The following NPHP4 variants were observed in gnomAD, a reference collection of about 807,000 sequenced individuals.
The protein encoded by NPHP4 is nephrocystin-4.
A neutral mutation model predicts 155.8 loss-of-function variants in NPHP4; 151 were observed. The observed-to-expected ratio is 0.97, with a 90% CI of 0.85 to 1.11. The LOEUF is 1.11. Ranked by LOEUF, NPHP4 falls within the 50% of genes least tolerant of loss-of-function variation. The pLI, the probability that NPHP4 is intolerant of heterozygous loss-of-function variation, is 0.00. For missense variants in NPHP4, 1,956 were observed against 1,925.7 expected, an observed-to-expected ratio of 1.02 and a Z score of -0.29; for synonymous variants, 845 against 816.8, an observed-to-expected ratio of 1.03 and a Z score of -0.59.
intron 12 of NPHP4, 28 bp downstream of exon 12, chr1:5,909,124 A>C: frequency 6.4e-7 from 1 of 1,555,932 alleles, no homozygotes; most frequent in Non-Finnish European, 8.8e-7. Flanking sequence ...TGGAATTCTG[A>C]AGGAGGCCGT....
At chr1:5,883,398 G>C (rs1643485925) in intron 18 of NPHP4, among the ~76,000 whole-genome samples, 2 of 152,230 alleles carry the variant, frequency 1.3e-5, no homozygotes, top group African/African-American at 4.8e-5. Context: ...CCCTCCACAT[G>C]ATGGGGAGAA....
In NPHP4 at chr1:5,877,228, A is replaced by AGT; in HGVS notation, c.2681_2682insAC (p.His894GlnfsTer27). 1 of 1,608,886 alleles carries AGT rather than the reference A, an allele frequency of 6.2e-7. No individual in the cohort carries two copies. ...CCTGGGGCCCCTTGCCCTGCCGGGC[A>AGT]TGGGTCAGTAGCATGGCAGCCAGCT... On this transcript the variant is annotated frameshift_variant, in exon 20 of 30. Coordinates refer to ENST00000378156, the MANE Select transcript of NPHP4 (RefSeq NM_015102.5). LOFTEE classifies it high-confidence loss of function.
chr1:5,953,452 AG>A (rs1370229868), intron 6 of NPHP4, among the ~76,000 whole-genome samples: 1 of 152,182 alleles, frequency 6.6e-6, no homozygotes, highest in Non-Finnish European at 1.5e-5. Context: ...AGATTGGAGA[AG>A]GCAAAGTGAC....
At position 5,892,644 on chromosome 1, in the gene NPHP4, G is replaced by A. The variant is rs115585856; in HGVS notation, c.2144-1616C>T. Among the ~76,000 whole-genome samples the A allele has an allele frequency of 8.8e-4, 134 of 152,162 alleles. 1 individual carries two copies. Among genetic ancestry groups the A allele is most frequent in the Non-Finnish European group, 1.4e-3 (98 of 67,964 alleles). ...AGGAGACAAGACAGAGGGTCCCACT[G>A]GGTCGAGCTGTGTTTGGGACGCGCG... On this transcript the variant is annotated intron_variant, in intron 16 of 29. Transcript: ENST00000378156. This position sits in a 1 kb window ranked among gnomAD's most constrained non-coding sequence, Gnocchi z 4.5.
At chr1:5,947,370 T>A (rs1306676957) in intron 8 of NPHP4, 140 bp from the exon 9 acceptor site, 10 of 798,118 alleles carry the variant, frequency 1.3e-5, no homozygotes, top group Non-Finnish European at 1.9e-5. Context: ...GTCCACCATG[T>A]AACACTGCAC....
chr1:5,961,711 G>C, intron 6 of NPHP4, 83 bp downstream of exon 6: 1 of 1,395,806 alleles, frequency 7.2e-7, no homozygotes, highest in Non-Finnish European at 9.9e-7. Flanking sequence ...GCTGCCCCCA[G>C]AAGAGCCCAG....
intron 10 of NPHP4, 58 bp downstream of exon 10, chr1:5,933,089 A>C: frequency 7.4e-7 from 1 of 1,354,268 alleles, no homozygotes; most frequent in African/African-American, 1.4e-5. Context: ...TGCTTTTGAA[A>C]ATGAATGAAC....
rs370178531 is a variant in NPHP4, at chr1:5,867,715, G to A, written c.3472+25C>T. ...CAACAGGTGAGCCTGCAACATGTGG[G>A]CTGCAGGGTCAGTGCAGGACCTGCC... is the stretch of plus-strand genomic sequence containing the variant. On this transcript the variant is annotated intron_variant, in intron 24 of 29. Coordinates refer to ENST00000378156, the MANE Select transcript of NPHP4 (RefSeq NM_015102.5). This position sits in a 1 kb window ranked among gnomAD's most constrained non-coding sequence, Gnocchi z 4.1. The A allele has an allele frequency of 7.3e-5, 117 of 1,604,612 alleles. No individual in the cohort carries two copies. Among genetic ancestry groups the A allele is most frequent in the Admixed American group, 1.7e-5 (1 of 59,974 alleles).
chr1:5,988,840 C>T (rs1040135863), intron 1 of NPHP4, among the ~76,000 whole-genome samples: 11 of 151,990 alleles, frequency 7.2e-5, no homozygotes, highest in Non-Finnish European at 1.6e-4. Flanking sequence ...CCAGACGCTG[C>T]ATCCTTGGCC....
chr1:5,939,921 G>A (rs529060669), intron 9 of NPHP4, among the ~76,000 whole-genome samples: 1 of 152,134 alleles, frequency 6.6e-6, no homozygotes, highest in African/African-American at 2.4e-5. Flanking sequence ...CAGGACCCCA[G>A]GGCACAGAAG....
chr1:5,948,289 C>T lies in NPHP4; in HGVS notation c.811-38G>A, dbSNP rs946820926. ...CAGAAGGAATGAGCCCCGGCACAGA[C>T]GGAAAGAGGGAGCTCGCCAGAAGTC... is the stretch of plus-strand genomic sequence containing the variant. On this transcript the variant is annotated intron_variant, in intron 7 of 29. Coordinates refer to ENST00000378156, the MANE Select transcript of NPHP4 (RefSeq NM_015102.5). 16 of 1,476,804 alleles carry T rather than the reference C, an allele frequency of 1.1e-5. No individual in the cohort carries two copies. The East Asian group carries it at 2.2e-4, about 21-fold the overall frequency. The allele number at this position is 1,476,804 out of a possible 1,614,324, so 91.5% of individuals were successfully genotyped here. A position where few individuals can be genotyped will look rare whatever the true frequency, so the allele number is the denominator to read the frequency against.
Position 5,887,503 on chromosome 1 carries a change from G to A in NPHP4, c.2305-37C>T, listed in dbSNP as rs376062565. 16 of 1,603,652 alleles carry A rather than the reference G, an allele frequency of 1.0e-5. No homozygotes were observed. In the African/African-American group the frequency reaches 1.1e-4, roughly 11 times the overall value. ...AAAAGCGCGTTCAGAGGCTGGAGCCGGCCCTGGGCTGCTTCCACCAGCCCT... is the reference window on the plus strand; with the variant it reads ...AAAAGCGCGTTCAGAGGCTGGAGCCAGCCCTGGGCTGCTTCCACCAGCCCT... On this transcript the variant is annotated intron_variant, in intron 17 of 29. Coordinates refer to ENST00000378156, the MANE Select transcript of NPHP4 (RefSeq NM_015102.5).
At chr1:5,940,795 A>T (rs1646778323) in intron 9 of NPHP4, among the ~76,000 whole-genome samples, 1 of 152,204 alleles carries the variant, frequency 6.6e-6, no homozygotes, top group African/African-American at 2.4e-5. Flanking sequence ...AAAGACACAA[A>T]AATAGACTTG....
chr1:5,865,834 T>C (rs1641165255), intron 26 of NPHP4: 1 of 172,302 alleles, frequency 5.8e-6, no homozygotes, highest in African/African-American at 2.4e-5. Flanking sequence ...GGGCACTGAG[T>C]GCAGGTTAGC....
intron 11 of NPHP4, among the ~76,000 whole-genome samples, chr1:5,915,426 C>T (rs558650883): frequency 7.9e-5 from 12 of 152,308 alleles, no homozygotes; most frequent in South Asian, 2.1e-4. Flanking sequence ...TAAGAATTCA[C>T]ATGGCAAACC....
rs758237070 is a variant in NPHP4 at position 5,864,051 on chromosome 1, A to T, written c.3997-18T>A. The T allele has an allele frequency of 1.2e-6, 2 of 1,611,550 alleles. No homozygotes were observed. The highest frequency in any genetic ancestry group is 1.7e-6 in the Non-Finnish European group (2 of 1,179,064). On this transcript the variant is annotated intron_variant, in intron 28 of 29. Coordinates refer to ENST00000378156, the MANE Select transcript of NPHP4 (RefSeq NM_015102.5). ...TCAAAGGCCTGTGGAGGGAGGGGAC[A>T]GGGAGACGCTGCGGCCACTCACGGG...
At chr1:5,909,279 T>C in intron 11 of NPHP4, 66 bp from the exon 12 acceptor site, 1 of 1,283,012 alleles carries the variant, frequency 7.8e-7, no homozygotes. Context: ...AGTGGGCCCC[T>C]GAACCCCCAC....
intron 7 of NPHP4, among the ~76,000 whole-genome samples, chr1:5,952,308 T>C (rs554910935): frequency 7.9e-5 from 12 of 152,362 alleles, no homozygotes; most frequent in Non-Finnish European, 1.3e-4. Context: ...TATGCTCATC[T>C]GGTGATTTAG....
chr1:5,977,301 C>G (rs1196087353), intron 3 of NPHP4, among the ~76,000 whole-genome samples: 7 of 152,072 alleles, frequency 4.6e-5, no homozygotes, highest in African/African-American at 1.7e-4. Context: ...GGGCTCTCCT[C>G]TCGTCCTAAC....
Sources: allele counts gnomAD v4.1 joint callset (sites outside exome capture counted in the v4.1 genomes callset), GRCh38; gene constraint gnomAD v4.1.1; non-coding constraint Gnocchi (gnomAD v3.1); transcripts MANE v1.5; gene names NCBI Gene and HGNC (gene_info 2026-07-23, HGNC 2026-07-21).